The following SRPK2 variants were observed in gnomAD, a reference collection of about 807,000 sequenced individuals.
SRPK2 encodes the protein SFRS protein kinase 2.
In SRPK2, 21 loss-of-function variants were observed where a neutral mutation model predicts 90.8. The ratio of observed to expected loss-of-function variants is 0.23; its 90% confidence interval spans 0.16 to 0.33. SRPK2 has a LOEUF of 0.33. Among genes scored for constraint, SRPK2 ranks in the 10% least tolerant of loss-of-function variants. SRPK2 has a pLI of 1.00. For missense variants in SRPK2, 620 were observed against 869.0 expected (o/e 0.71, Z 3.60); for synonymous variants, 288 against 311.1 (o/e 0.93, Z 0.78).
In SRPK2 at chr7:105,167,598, CTTTA is replaced by C. The variant is rs540624870; in HGVS notation, c.427-138_427-135del. 1.1e-3 allele frequency: 531 copies of C among 496,146 alleles called. 6 individuals carry two copies. The highest frequency in any genetic ancestry group is 2.5e-3 in the East Asian group (68 of 27,682). 30.7% of individuals were successfully genotyped at this position (496,146 alleles called of 1,614,324 possible). ...TCATCACAAAGTTATAAAAAATAAACTTTATTTATTTATTTATTTATTTATTTTT... is the reference window on the plus strand; with the variant it reads ...TCATCACAAAGTTATAAAAAATAAACTTTATTTATTTATTTATTTATTTTT... On this transcript the variant is annotated intron_variant, in intron 5 of 15. Transcript: ENST00000393651.
chr7:105,335,878 G>A (rs1364022910), intron 2 of SRPK2, among the ~76,000 whole-genome samples: 1 of 151,800 alleles, frequency 6.6e-6, no homozygotes. Context: ...ATTGCTTGAA[G>A]CTGGGAGGCA....
At position 105,301,210 on chromosome 7, in the gene SRPK2, G is replaced by A. The variant is rs572923897; in HGVS notation, c.71+87438C>T. Among the ~76,000 whole-genome samples, 15 of 151,830 alleles carry A rather than the reference G, an allele frequency of 9.9e-5. No individual in the cohort carries two copies. In the South Asian group the frequency reaches 1.9e-3, roughly 19 times the overall value. On this transcript the variant is annotated intron_variant, in intron 2 of 15. Coordinates refer to ENST00000393651, the MANE Select transcript of SRPK2 (RefSeq NM_182692.3). Reference sequence around the variant, plus strand: ...TGTAATCCCAGCACTTTGGGAGGCCGAGGCAGGCGGATCATGAGGTCAGGA... The same window carrying A: ...TGTAATCCCAGCACTTTGGGAGGCCAAGGCAGGCGGATCATGAGGTCAGGA...
At chr7:105,339,540 A>G (rs1316590844) in intron 2 of SRPK2, among the ~76,000 whole-genome samples, 1 of 152,246 alleles carries the variant, frequency 6.6e-6, no homozygotes, top group Non-Finnish European at 1.5e-5. Flanking sequence ...AGGAAGGAAC[A>G]GCAGTCCTGA....
intron 2 of SRPK2, among the ~76,000 whole-genome samples, chr7:105,302,772 G>C (rs10272634): frequency 0.18 from 27,751 of 152,044 alleles, 3,204 homozygotes; most frequent in East Asian, 0.58. Flanking sequence ...AAATACACTA[G>C]AAAGCATTTT....
chr7:105,279,806 C>G (rs143641328), intron 2 of SRPK2, among the ~76,000 whole-genome samples: 5 of 152,246 alleles, frequency 3.3e-5, no homozygotes, highest in African/African-American at 1.2e-4. Flanking sequence ...CAGAACAAAG[C>G]CTCTTTTACC....
At chr7:105,162,811 G>A (rs1235531888) in intron 6 of SRPK2, among the ~76,000 whole-genome samples, 4 of 152,114 alleles carry the variant, frequency 2.6e-5, no homozygotes, top group East Asian at 3.8e-4. Context: ...TGATTACTTC[G>A]CATTTTGCTT....
At chr7:105,158,509 G>A (rs758903140) in intron 7 of SRPK2, among the ~76,000 whole-genome samples, 4 of 152,024 alleles carry the variant, frequency 2.6e-5, no homozygotes, top group Non-Finnish European at 4.4e-5. Context: ...CGCCTTGGCC[G>A]CCCAAAGTGC....
rs1001517594 is a variant in SRPK2 at position 105,357,098 on chromosome 7, C to T, written c.71+31550G>A. On this transcript the variant is annotated intron_variant, in intron 2 of 15. Coordinates refer to ENST00000393651, the MANE Select transcript of SRPK2 (RefSeq NM_182692.3). ...TCGCCCAGGCTGGAGTGCAGTGGTG[C>T]GATCTCGGCCTCACTGCAAGCTCCG... Among the ~76,000 whole-genome samples the T allele has an allele frequency of 4.0e-5, 6 of 150,502 alleles. No homozygotes were observed. The East Asian group carries it at 1.2e-3, about 30-fold the overall frequency.
At chr7:105,206,106 G>A (rs936213976) in intron 2 of SRPK2, 13 of 461,036 alleles carry the variant, frequency 2.8e-5, no homozygotes, top group East Asian at 1.1e-4. Context: ...TTTCACCATC[G>A]CTGCCCTCCA....
At chr7:105,303,846 G>A (rs1810856683) in intron 2 of SRPK2, among the ~76,000 whole-genome samples, 1 of 152,184 alleles carries the variant, frequency 6.6e-6, no homozygotes, top group African/African-American at 2.4e-5. Flanking sequence ...GTCAAACTAT[G>A]TGAAAAGCTA....
At chr7:105,328,561 CAAAAA>C (rs1192103331) in intron 2 of SRPK2, among the ~76,000 whole-genome samples, 1 of 47,196 alleles carries the variant, frequency 2.1e-5, no homozygotes, top group Non-Finnish European at 3.6e-5. Flanking sequence ...GGCTCTGTCT[CAAAAA>C]AAAAAAAAAA....
At chr7:105,189,854 A>C (rs1427892024) in intron 3 of SRPK2, 1 of 152,546 alleles carries the variant, frequency 6.6e-6, no homozygotes, top group Admixed American at 6.5e-5. Flanking sequence ...CTCTTTTTAC[A>C]AATTTTTAAA....
At chr7:105,204,604 C>A in intron 2 of SRPK2, 1 of 578,624 alleles carries the variant, frequency 1.7e-6, no homozygotes, top group Non-Finnish European at 3.1e-6. Flanking sequence ...CTGAAGATGA[C>A]GGCTGCTGTG....
At chr7:105,115,889 A>T (rs1799590273), downstream of SRPK2, among the ~76,000 whole-genome samples, 1 of 152,178 alleles carries the variant, frequency 6.6e-6, no homozygotes, top group South Asian at 2.1e-4. Context: ...CATAGAAATC[A>T]CGGATAGCAT....
intron 2 of SRPK2, among the ~76,000 whole-genome samples, chr7:105,347,627 G>T (rs1469607649): frequency 6.6e-6 from 1 of 152,070 alleles, no homozygotes; most frequent in Admixed American, 6.5e-5. Flanking sequence ...ACTGAGGCGG[G>T]AGGATCGCTT....
At chr7:105,285,119 C>T (rs960837077) in intron 2 of SRPK2, among the ~76,000 whole-genome samples, 1 of 152,144 alleles carries the variant, frequency 6.6e-6, no homozygotes, top group African/African-American at 2.4e-5. Context: ...GGTGCTGTGG[C>T]TCCAGCCTGT....
At chr7:105,217,625 T>C (rs1248871602) in intron 2 of SRPK2, among the ~76,000 whole-genome samples, 6 of 152,236 alleles carry the variant, frequency 3.9e-5, no homozygotes, top group Non-Finnish European at 8.8e-5. Flanking sequence ...GTCATGAATC[T>C]TGTGATTCTA....
intron 2 of SRPK2, among the ~76,000 whole-genome samples, chr7:105,252,233 G>C (rs1017102963): frequency 6.6e-6 from 1 of 152,028 alleles, no homozygotes; most frequent in African/African-American, 2.4e-5. Flanking sequence ...TTACTAATTT[G>C]AGTTACAATG....
intron 15 of SRPK2, among the ~76,000 whole-genome samples, chr7:105,123,262 C>G (rs760739211): frequency 6.6e-5 from 10 of 152,146 alleles, no homozygotes; most frequent in Non-Finnish European, 1.3e-4. Context: ...ATGATTCAAA[C>G]TAGTAATGAT....
Sources: gnomAD v4.1 joint callset for allele counts (sites outside exome capture counted in the v4.1 genomes callset) on GRCh38, gnomAD v4.1.1 for gene constraint, MANE v1.5 for transcripts, NCBI Gene and HGNC (gene_info 2026-07-23, HGNC 2026-07-21) for gene names.